The following DENND4A variants were observed in gnomAD, a reference collection of about 807,000 sequenced individuals.
The protein encoded by DENND4A is DENN domain containing 4A, also known as C-myc promoter-binding protein.
Under a neutral mutation model 199.3 loss-of-function variants are expected in DENND4A, and 70 were observed. That is an observed-to-expected ratio of 0.35 (90% CI 0.29 to 0.43). The LOEUF is 0.43. DENND4A is among the 20% of genes least tolerant of loss of function. The pLI is 1.00. For synonymous variants in DENND4A, 686 were observed against 766.9 expected (o/e 0.89, Z 1.74); for missense variants, 1,723 against 2,255.8 (o/e 0.76, Z 4.78).
At chr15:65,712,778 T>C (rs770455931) in intron 14 of DENND4A, among the ~76,000 whole-genome samples, 4 of 152,154 alleles carry the variant, frequency 2.6e-5, no homozygotes, top group Non-Finnish European at 5.9e-5. Flanking sequence ...TTGAAAGTGA[T>C]GGACTTCTTT....
At position 65,668,235 on chromosome 15, in the gene DENND4A, G is replaced by A. The variant is rs1196009402; in HGVS notation, c.4788-112C>T. The A allele has an allele frequency of 3.8e-6, 3 of 797,678 alleles. No individual in the cohort carries two copies. The African/African-American group carries it at 5.5e-5, about 15-fold the overall frequency. 49.4% of individuals were successfully genotyped at this position (797,678 alleles called of 1,614,324 possible). ...CTTTTTTTTTTTTTTTTAAGACAGA[G>A]TCTTGCTCTGTCACCCAGGCTGGAC... On this transcript the variant is annotated intron_variant, in intron 27 of 32. Transcript: ENST00000443035.
intron 1 of DENND4A, among the ~76,000 whole-genome samples, chr15:65,772,952 G>A (rs1376069858): frequency 2.9e-5 from 4 of 139,066 alleles, no homozygotes; most frequent in East Asian, 4.0e-4. Flanking sequence ...CCCTGATCTC[G>A]GACCTCCAAC....
Position 65,701,676 on chromosome 15 carries a change from A to G in DENND4A, c.2559+86T>C, listed in dbSNP as rs1475572903. 19 of 1,278,358 alleles carry G rather than the reference A, an allele frequency of 1.5e-5. No homozygotes were observed. In the East Asian group the frequency reaches 4.0e-4, roughly 27 times the overall value. The allele number at this position is 1,278,358 out of a possible 1,614,324, so 79.2% of individuals were successfully genotyped here. A position where few individuals can be genotyped will look rare whatever the true frequency, so the allele number is the denominator to read the frequency against. ...TTATATACTCTAAAATAAATGCCAA[A>G]TAACCCCCTGCATAAATTATTTCTG... is the stretch of plus-strand genomic sequence containing the variant. On this transcript the variant is annotated intron_variant, in intron 18 of 32. Coordinates refer to ENST00000443035, the MANE Select transcript of DENND4A (RefSeq NM_001320835.1).
rs200534801 is a variant in DENND4A, at chr15:65,702,540, A to G, written c.2224-29T>C. On this transcript the variant is annotated intron_variant, in intron 16 of 32. Coordinates refer to ENST00000443035, the MANE Select transcript of DENND4A (RefSeq NM_001320835.1). ...GAAAAAATATAAAGATCTTACTAATAAATTTATGCACTTAGGCATCTTTAT... is the reference window on the plus strand; with the variant it reads ...GAAAAAATATAAAGATCTTACTAATGAATTTATGCACTTAGGCATCTTTAT... 41 of 1,522,662 alleles carry G rather than the reference A, an allele frequency of 2.7e-5. No individual in the cohort carries two copies. The Admixed American group carries it at 7.5e-4, about 28-fold the overall frequency. The allele number at this position is 1,522,662 out of a possible 1,614,324, so 94.3% of individuals were successfully genotyped here.
chr15:65,735,296 T>C (rs1301090034), intron 7 of DENND4A, among the ~76,000 whole-genome samples: 1 of 151,852 alleles, frequency 6.6e-6, no homozygotes, highest in African/African-American at 2.4e-5. Context: ...GAGAATCACT[T>C]AAGCCCAGGA....
rs1010646992 is a variant in DENND4A, at chr15:65,759,250, G to A, written c.-23+2110C>T. Among the ~76,000 whole-genome samples the A allele has an allele frequency of 3.3e-5, 5 of 152,052 alleles. No individual in the cohort carries two copies. The East Asian group carries it at 5.8e-4, about 18-fold the overall frequency. On this transcript the variant is annotated intron_variant, in intron 2 of 32. Coordinates refer to ENST00000443035, the MANE Select transcript of DENND4A (RefSeq NM_001320835.1). Reference sequence around the variant, plus strand: ...TCCCAGCACTTTGGGAGGCCGAGGCGGGTGGATCACAAGGTCAGGAGTTCA... The same window carrying A: ...TCCCAGCACTTTGGGAGGCCGAGGCAGGTGGATCACAAGGTCAGGAGTTCA...
chr15:65,709,436 C>T (rs1054018632), intron 14 of DENND4A, among the ~76,000 whole-genome samples: 2 of 151,910 alleles, frequency 1.3e-5, no homozygotes, highest in Non-Finnish European at 1.5e-5. Context: ...CCGGGCACGG[C>T]GGCTCATGCC....
At chr15:65,789,065 T>G (rs2077645591) in intron 1 of DENND4A, among the ~76,000 whole-genome samples, 1 of 152,134 alleles carries the variant, frequency 6.6e-6, no homozygotes, top group Non-Finnish European at 1.5e-5. Flanking sequence ...TGTCAGTACA[T>G]TTTTAAAATG....
At chr15:65,760,901 G>T (rs1056986323) in intron 2 of DENND4A, among the ~76,000 whole-genome samples, 1 of 151,912 alleles carries the variant, frequency 6.6e-6, no homozygotes, top group African/African-American at 2.4e-5. Context: ...AAAAAAAAGC[G>T]GAAACAGAAG....
intron 22 of DENND4A, among the ~76,000 whole-genome samples, chr15:65,693,988 ATACAT>A (rs1458925048): frequency 1.3e-5 from 2 of 152,104 alleles, no homozygotes; most frequent in African/African-American, 2.4e-5. Context: ...CTGGAATATA[ATACAT>A]TACATTATAA....
intron 4 of DENND4A, among the ~76,000 whole-genome samples, chr15:65,745,942 T>A (rs1051496634): frequency 2.0e-5 from 3 of 151,580 alleles, no homozygotes; most frequent in Non-Finnish European, 4.4e-5. Context: ...GAGACCGGCC[T>A]GGCCAACATG....
intron 6 of DENND4A, among the ~76,000 whole-genome samples, 180 bp downstream of exon 6, chr15:65,738,526 T>G (rs1330925860): frequency 6.6e-6 from 1 of 152,124 alleles, no homozygotes; most frequent in African/African-American, 2.4e-5. Flanking sequence ...AGCATTTAGG[T>G]GGATGGGACA....
chr15:65,772,876 G>A (rs987398350), intron 1 of DENND4A, among the ~76,000 whole-genome samples: 1 of 151,820 alleles, frequency 6.6e-6, no homozygotes, highest in African/African-American at 2.4e-5. Context: ...CACCATGTGA[G>A]GATACACGAA....
intron 13 of DENND4A, 36 bp from the exon 14 acceptor site, chr15:65,715,659 A>ATATC (rs2075374719): frequency 6.7e-7 from 1 of 1,501,442 alleles, no homozygotes; most frequent in Admixed American, 2.5e-5. Context: ...AGAATACATA[A>ATATC]TATCATTCAT....
chr15:65,686,688 C>T (rs994360608), intron 23 of DENND4A, among the ~76,000 whole-genome samples: 2 of 152,052 alleles, frequency 1.3e-5, no homozygotes, highest in South Asian at 4.1e-4. Flanking sequence ...CAGGAACACA[C>T]CATAACATCC....
chr15:65,750,793 G>A (rs2076541283), intron 4 of DENND4A, among the ~76,000 whole-genome samples: 1 of 151,934 alleles, frequency 6.6e-6, no homozygotes, highest in South Asian at 2.1e-4. Context: ...GATCATGCAT[G>A]GGAGGACTTT....
Position 65,775,603 on chromosome 15 carries a change from T to C in DENND4A, c.-101-14165A>G, listed in dbSNP as rs142628699. 7.3e-3 allele frequency among the ~76,000 whole-genome samples: 853 copies of C among 116,864 alleles called. 9 individuals are homozygous for C. Among genetic ancestry groups the C allele is most frequent in the African/African-American group, 0.028 (820 of 29,004 alleles). The allele number at this position is 116,864 out of a possible 152,430, so 76.7% of individuals were successfully genotyped here. ...TTGCAGTGAGCCAAGATCATGCCAC[T>C]GCACTCCAGCCTGGGTGACAGTGCA... is the stretch of plus-strand genomic sequence containing the variant. On this transcript the variant is annotated intron_variant, in intron 1 of 32. Transcript: ENST00000443035.
At chr15:65,760,868 C>A (rs1209361134) in intron 2 of DENND4A, among the ~76,000 whole-genome samples, 1 of 151,738 alleles carries the variant, frequency 6.6e-6, no homozygotes, top group African/African-American at 2.4e-5. Context: ...CCAGCCTGGG[C>A]AACAGAGGGA....
chr15:65,730,758 G>A (rs574156461), intron 9 of DENND4A, among the ~76,000 whole-genome samples: 5 of 152,110 alleles, frequency 3.3e-5, no homozygotes, highest in Non-Finnish European at 2.9e-5. Flanking sequence ...GTTAACTGCC[G>A]AAGGGTAAAG....
Sources: allele counts gnomAD v4.1 joint callset (sites outside exome capture counted in the v4.1 genomes callset), GRCh38; gene constraint gnomAD v4.1.1; transcripts MANE v1.5; gene names NCBI Gene and HGNC (gene_info 2026-07-23, HGNC 2026-07-21).